CLEC4A: variants seen among roughly 807,000 people sequenced by gnomAD.
The protein encoded by CLEC4A is C-type lectin domain family 4 member A.
A neutral mutation model predicts 32.7 loss-of-function variants in CLEC4A; 27 were observed. The observed-to-expected ratio is 0.83, with a 90% CI of 0.61 to 1.14. CLEC4A has a LOEUF of 1.14. Among genes scored for constraint, CLEC4A ranks in the 50% most tolerant of loss-of-function variants. The probability of loss-of-function intolerance (pLI) is 0.00; values close to 1 mark genes in which losing one functional copy is unlikely to be tolerated. For synonymous variants in CLEC4A, 89 were observed against 93.7 expected, an observed-to-expected ratio of 0.95 and a Z score of 0.29; for missense variants, 253 against 274.6, an observed-to-expected ratio of 0.92 and a Z score of 0.55.
chr12:8,109,521 C>T, the CLEC4A span, among the ~76,000 whole-genome samples: 1 of 152,092 alleles, frequency 6.6e-6, no homozygotes, highest in African/African-American at 2.4e-5. Context: ...TAAAATAGTA[C>T]CTATGGAATA....
rs1555080248 is a variant in CLEC4A, at chr12:8,134,988, T to TTTTTTTG, written c.299-591_299-590insGTTTTTT. The TTTTTTTG allele has an allele frequency of 5.7e-5, 15 of 261,770 alleles. 2 individuals carry two copies. The highest frequency in any genetic ancestry group is 2.2e-4 in the East Asian group (2 of 9,050). 16.2% of individuals were successfully genotyped at this position (261,770 alleles called of 1,614,324 possible). A position where few individuals can be genotyped will look rare whatever the true frequency, so the allele number is the denominator to read the frequency against. On this transcript the variant is annotated intron_variant, in intron 3 of 5. Coordinates refer to ENST00000229332, the MANE Select transcript of CLEC4A (RefSeq NM_016184.4). ...TTGTTGAAGCGTTTTTGTTTTTTGT[T>TTTTTTTG]TTTTTTTAATCATGGCTGCTTTTAA... is the stretch of plus-strand genomic sequence containing the variant.
chr12:8,125,097 G>T (rs1591606346), intron 1 of CLEC4A, among the ~76,000 whole-genome samples: 1 of 151,764 alleles, frequency 6.6e-6, no homozygotes, highest in South Asian at 2.1e-4. Context: ...ATTTAAAGTT[G>T]GAAACCATTA....
intron 3 of CLEC4A, among the ~76,000 whole-genome samples, chr12:8,130,640 C>T (rs1051871425): frequency 6.6e-6 from 1 of 152,136 alleles, no homozygotes; most frequent in African/African-American, 2.4e-5. Context: ...CCTCAGCCTC[C>T]CCGTGCTGGG....
chr12:8,119,707 A>G (rs1263413812), upstream of CLEC4A, among the ~76,000 whole-genome samples: 3 of 152,260 alleles, frequency 2.0e-5, no homozygotes, highest in African/African-American at 4.8e-5. Context: ...TCTTGTTTTC[A>G]TGAAATTAAC....
At chr12:8,105,714 G>A in the CLEC4A span, among the ~76,000 whole-genome samples, 1 of 152,052 alleles carries the variant, frequency 6.6e-6, no homozygotes, top group Non-Finnish European at 1.5e-5. Context: ...GCCTGTTCTT[G>A]TCCTTTGCCC....
chr12:8,135,953 T>C (rs1177541104), intron 4 of CLEC4A, among the ~76,000 whole-genome samples: 1 of 152,220 alleles, frequency 6.6e-6, no homozygotes, highest in African/African-American at 2.4e-5. Context: ...ATTAAAAATA[T>C]ATGAGGGTTG....
At chr12:8,124,526 G>A (rs1405314724) in intron 1 of CLEC4A, among the ~76,000 whole-genome samples, 1 of 152,198 alleles carries the variant, frequency 6.6e-6, no homozygotes, top group Admixed American at 6.5e-5. Flanking sequence ...AACCTATTGC[G>A]TGTTGCATCT....
chr12:8,128,979 C>A (rs966842948), intron 2 of CLEC4A, among the ~76,000 whole-genome samples: 3 of 152,196 alleles, frequency 2.0e-5, no homozygotes, highest in Non-Finnish European at 4.4e-5. Context: ...TGCATCCCCC[C>A]ACCCCCAAGA....
the CLEC4A span, among the ~76,000 whole-genome samples, chr12:8,116,941 G>A: frequency 6.6e-6 from 1 of 152,114 alleles, no homozygotes; most frequent in Non-Finnish European, 1.5e-5. Context: ...CAAGCCTCTC[G>A]TTTTCACTTA....
the CLEC4A span, among the ~76,000 whole-genome samples, chr12:8,105,020 A>G: frequency 1.3e-5 from 2 of 152,328 alleles, no homozygotes; most frequent in East Asian, 3.9e-4. Context: ...TATTGTGAAT[A>G]GTGCTTCAGT....
chr12:8,124,015 G>A (rs1565402393), intron 1 of CLEC4A, 55 bp downstream of exon 1: 3 of 1,178,644 alleles, frequency 2.5e-6, no homozygotes, highest in East Asian at 2.3e-5. Context: ...GATGAGGAGA[G>A]GGTTTATGAA....
intron 4 of CLEC4A, among the ~76,000 whole-genome samples, chr12:8,136,433 C>A (rs995133297): frequency 6.6e-6 from 1 of 152,028 alleles, no homozygotes; most frequent in East Asian, 1.9e-4. Context: ...GGCATGGTGG[C>A]ACACACCTGT....
intron 3 of CLEC4A, among the ~76,000 whole-genome samples, chr12:8,131,519 C>T (rs1306593938): frequency 6.6e-6 from 1 of 152,170 alleles, no homozygotes; most frequent in Non-Finnish European, 1.5e-5. Context: ...TCTTTTTGTT[C>T]CATTCAGATC....
At chr12:8,120,063 C>T (rs890419293), upstream of CLEC4A, among the ~76,000 whole-genome samples, 6 of 152,184 alleles carry the variant, frequency 3.9e-5, no homozygotes, top group African/African-American at 1.4e-4. Flanking sequence ...TTTCCATTGA[C>T]CCCATTGATA....
chr12:8,130,581 C>T (rs925298324), intron 3 of CLEC4A, among the ~76,000 whole-genome samples: 3 of 151,940 alleles, frequency 2.0e-5, no homozygotes, highest in African/African-American at 7.3e-5. Flanking sequence ...GAAGGTCTTG[C>T]CATGTTGCCA....
Position 8,123,870 on chromosome 12 carries a change from C to T in CLEC4A, c.-9C>T, listed in dbSNP as rs943991733. The T allele has an allele frequency of 2.5e-6, 4 of 1,596,338 alleles. No homozygotes were observed. In the Admixed American group the frequency reaches 6.7e-5, roughly 27 times the overall value. Reference sequence around the variant, plus strand: ...ATTTTCTGAAGAAAGCAGAAGCTCTCTTCCCATTATGACTTCGGAAATCAC... The same window carrying T: ...ATTTTCTGAAGAAAGCAGAAGCTCTTTTCCCATTATGACTTCGGAAATCAC... On this transcript the variant is annotated 5_prime_UTR_variant, in exon 1 of 6. Coordinates refer to ENST00000229332, the MANE Select transcript of CLEC4A (RefSeq NM_016184.4).
At chr12:8,133,817 G>T (rs868508492) in intron 3 of CLEC4A, 8 of 1,586,220 alleles carry the variant, frequency 5.0e-6, no homozygotes, top group Middle Eastern at 4.1e-4. Flanking sequence ...GGAGACAGGG[G>T]GAAAGGCTTC....
intron 3 of CLEC4A, among the ~76,000 whole-genome samples, chr12:8,133,287 G>A: frequency 6.6e-6 from 1 of 152,270 alleles, no homozygotes; most frequent in East Asian, 1.9e-4. Flanking sequence ...CCGACCACAG[G>A]TGATCCGCCC....
chr12:8,121,966 C>T (rs1039642266), upstream of CLEC4A, among the ~76,000 whole-genome samples: 4 of 151,746 alleles, frequency 2.6e-5, no homozygotes, highest in African/African-American at 9.7e-5. Flanking sequence ...GGACTCAGCA[C>T]TTAAGCAGGA....
Sources: gnomAD v4.1 joint callset for allele counts (sites outside exome capture counted in the v4.1 genomes callset) on GRCh38, gnomAD v4.1.1 for gene constraint, MANE v1.5 for transcripts, NCBI Gene and HGNC (gene_info 2026-07-23, HGNC 2026-07-21) for gene names.